PCDHGA8: variants seen among roughly 807,000 people sequenced by gnomAD.
The protein encoded by PCDHGA8 is protocadherin gamma subfamily A, 8, also known as protocadherin gamma-A8.
A neutral mutation model predicts 59.2 loss-of-function variants in PCDHGA8; 45 were observed. The ratio of observed to expected loss-of-function variants is 0.76; its 90% CI spans 0.60 to 0.98. PCDHGA8 has a LOEUF of 0.98. Ranked by LOEUF, PCDHGA8 falls within the 50% of genes least tolerant of loss-of-function variation. The pLI, the probability that PCDHGA8 is intolerant of heterozygous loss-of-function variation, is 0.00. For missense variants in PCDHGA8, 1,257 were observed against 1,196.2 expected (o/e 1.05, Z -0.75); for synonymous variants, 531 against 519.0 (o/e 1.02, Z -0.32).
intron 1 of PCDHGA8, among the ~76,000 whole-genome samples, chr5:141,446,698 G>A (rs750413432): frequency 2.0e-5 from 3 of 152,186 alleles, no homozygotes; most frequent in Admixed American, 6.5e-5. Flanking sequence ...GGCTGGTCTC[G>A]AACTCTGATC....
intron 1 of PCDHGA8, among the ~76,000 whole-genome samples, chr5:141,492,824 C>T (rs1027583244): frequency 4.6e-5 from 7 of 152,236 alleles, no homozygotes. Context: ...ACCAGCGGCC[C>T]CTTCCTCCCG....
Position 141,436,047 on chromosome 5 carries a change from T to G in PCDHGA8, c.2424+40810T>G, listed in dbSNP as rs141900903. On this transcript the variant is annotated intron_variant, in intron 1 of 3. Transcript: ENST00000398604. ...ATACTAAATTTGTATTTACATTAGT[T>G]TTCAAATAGAATTTAATAAGTACAG... is the stretch of plus-strand genomic sequence containing the variant. Among the ~76,000 whole-genome samples the G allele has an allele frequency of 1.0e-2, 1,517 of 152,280 alleles. 31 individuals carry two copies. The highest frequency in any genetic ancestry group is 0.034 in the African/African-American group (1,420 of 41,552).
chr5:141,459,171 A>G (rs2098962477), intron 1 of PCDHGA8, among the ~76,000 whole-genome samples: 1 of 152,180 alleles, frequency 6.6e-6, no homozygotes, highest in Non-Finnish European at 1.5e-5. Flanking sequence ...ATAACCTTCA[A>G]AAGTTCCCTC....
chr5:141,496,916 T>C (rs1252437822), intron 2 of PCDHGA8, among the ~76,000 whole-genome samples: 4 of 148,274 alleles, frequency 2.7e-5, no homozygotes, highest in African/African-American at 9.9e-5. Context: ...CTGGGCACTG[T>C]GGTTCACGCC....
intron 1 of PCDHGA8, among the ~76,000 whole-genome samples, chr5:141,435,105 G>C (rs1046201852): frequency 2.6e-5 from 4 of 151,940 alleles, no homozygotes; most frequent in African/African-American, 9.7e-5. Flanking sequence ...TATCTAGGGG[G>C]GAGAAATCTA....
chr5:141,459,503 A>T (rs1346447458), intron 1 of PCDHGA8, among the ~76,000 whole-genome samples: 1 of 152,242 alleles, frequency 6.6e-6, no homozygotes, highest in Non-Finnish European at 1.5e-5. Flanking sequence ...AGTGATGTGA[A>T]CAATCATGTA....
intron 1 of PCDHGA8, among the ~76,000 whole-genome samples, chr5:141,460,270 C>T (rs1223096441): frequency 6.6e-6 from 1 of 151,828 alleles, no homozygotes; most frequent in Non-Finnish European, 1.5e-5. Context: ...TTTATTTTTT[C>T]TTTTATAGTT....
intron 1 of PCDHGA8, chr5:141,430,745 T>C (rs377018529): frequency 1.3e-4 from 191 of 1,499,634 alleles, no homozygotes; most frequent in Non-Finnish European, 1.7e-4. Context: ...AAAATAATTC[T>C]GGAGGAAGAT....
chr5:141,394,701 C>T lies in PCDHGA8; in HGVS notation c.1888C>T (p.Arg630Ter), dbSNP rs375281416. Reference sequence around the variant, plus strand: ...GCACACGGGCGAGGTGCGCACGGCGCGAGCCCTGCTGGACAGAGATGCGCT... The same window carrying T: ...GCACACGGGCGAGGTGCGCACGGCGTGAGCCCTGCTGGACAGAGATGCGCT... ...GLHTGEVRTA[R>*]ALLDRDALKQ... The change falls in exon 1 of 4, where the codon CGA becomes TGA. Residue 630 changes from arginine to a stop codon, truncating the protein, a stop_gained. Coordinates refer to ENST00000398604, the MANE Select transcript of PCDHGA8 (RefSeq NM_032088.2). LOFTEE classifies it high-confidence loss of function. The T allele has an allele frequency of 1.0e-4, 163 of 1,613,044 alleles. 1 individual carries two copies. The highest frequency in any genetic ancestry group is 1.3e-4 in the Non-Finnish European group (159 of 1,179,888).
At chr5:141,466,281 C>T (rs555506496) in intron 1 of PCDHGA8, among the ~76,000 whole-genome samples, 76 of 152,252 alleles carry the variant, frequency 5.0e-4, no homozygotes, top group African/African-American at 1.7e-3. Context: ...AGCAATCTTC[C>T]CACCTCAGGC....
Position 141,490,012 on chromosome 5 carries a change from G to A in PCDHGA8, c.2425-4795G>A. 1 of 1,614,232 alleles carries A rather than the reference G, an allele frequency of 6.2e-7. No homozygotes were observed. Among genetic ancestry groups the A allele is most frequent in the Non-Finnish European group, 8.5e-7 (1 of 1,180,044 alleles). ...GGGAATCCCAGAGAATGCACCCATT[G>A]GTACTCTGCTGCTCCGCCTCAATGC... is the stretch of plus-strand genomic sequence containing the variant. On this transcript the variant is annotated intron_variant, in intron 1 of 3. Transcript: ENST00000398604. This position sits in a 1 kb window ranked among gnomAD's most constrained non-coding sequence, Gnocchi z 5.4.
At chr5:141,407,649 G>A (rs541467957) in intron 1 of PCDHGA8, among the ~76,000 whole-genome samples, 1 of 152,050 alleles carries the variant, frequency 6.6e-6, no homozygotes, top group East Asian at 1.9e-4. Flanking sequence ...AAAATAATGG[G>A]GGAGCGCAGT....
At chr5:141,418,015 G>T (rs1385008648) in intron 1 of PCDHGA8, 1 of 1,613,964 alleles carries the variant, frequency 6.2e-7, no homozygotes, top group Non-Finnish European at 8.5e-7. Context: ...ACCTCGCTAA[G>T]GATCTAGGGC....
At chr5:141,448,990 T>C (rs1419678645) in intron 1 of PCDHGA8, among the ~76,000 whole-genome samples, 1 of 152,070 alleles carries the variant, frequency 6.6e-6, no homozygotes, top group Non-Finnish European at 1.5e-5. Flanking sequence ...TATTAATATA[T>C]AGAAAGCTGT....
At chr5:141,433,362 T>C (rs1285511534) in intron 1 of PCDHGA8, 6 of 299,814 alleles carry the variant, frequency 2.0e-5, no homozygotes, top group Non-Finnish European at 2.5e-5. Flanking sequence ...TGTCTGCCTA[T>C]CTATCTATCT....
At chr5:141,404,347 C>T (rs1451476815) in intron 1 of PCDHGA8, 6 of 1,613,796 alleles carry the variant, frequency 3.7e-6, no homozygotes, top group African/African-American at 2.7e-5. Context: ...CGGAAAACAA[C>T]GCCAGAGGTA....
rs761189685 is a variant in PCDHGA8 at position 141,404,203 on chromosome 5, A to G, written c.2424+8966A>G. On this transcript the variant is annotated intron_variant, in intron 1 of 3. Coordinates refer to ENST00000398604, the MANE Select transcript of PCDHGA8 (RefSeq NM_032088.2). Reference sequence around the variant, plus strand: ...TTCTTGACCGAGAAAAAGCCTCAGAATATAATATCACGGTGACTGCAACAG... The same window carrying G: ...TTCTTGACCGAGAAAAAGCCTCAGAGTATAATATCACGGTGACTGCAACAG... 11 of 1,613,806 alleles carry G rather than the reference A, an allele frequency of 6.8e-6. No individual in the cohort carries two copies. In the South Asian group the frequency reaches 1.2e-4, roughly 18 times the overall value.
intron 1 of PCDHGA8, among the ~76,000 whole-genome samples, chr5:141,401,714 A>T (rs964631036): frequency 2.0e-5 from 3 of 152,226 alleles, no homozygotes; most frequent in Non-Finnish European, 4.4e-5. Flanking sequence ...CATTTTTAAG[A>T]CAAAAACTAC....
chr5:141,485,961 A>G lies in PCDHGA8; in HGVS notation c.2425-8846A>G. Reference sequence around the variant, plus strand: ...GCACCAGCGGGCATGGTGCTCATCCAGCTCAATGCCTCAGACCCGGACCTG... The same window carrying G: ...GCACCAGCGGGCATGGTGCTCATCCGGCTCAATGCCTCAGACCCGGACCTG... On this transcript the variant is annotated intron_variant, in intron 1 of 3. Coordinates refer to ENST00000398604, the MANE Select transcript of PCDHGA8 (RefSeq NM_032088.2). This position sits in a 1 kb window ranked among gnomAD's most constrained non-coding sequence, Gnocchi z 5.7. 1 of 1,614,204 alleles carries G rather than the reference A, an allele frequency of 6.2e-7. No individual in the cohort carries two copies. Among genetic ancestry groups the G allele is most frequent in the Non-Finnish European group, 8.5e-7 (1 of 1,180,028 alleles).
Sources: allele counts gnomAD v4.1 joint callset (sites outside exome capture counted in the v4.1 genomes callset), GRCh38; gene constraint gnomAD v4.1.1; non-coding constraint Gnocchi (gnomAD v3.1); transcripts MANE v1.5; gene names NCBI Gene and HGNC (gene_info 2026-07-23, HGNC 2026-07-21).